IFT74: variants seen among roughly 807,000 people sequenced by gnomAD.
IFT74 encodes the protein intraflagellar transport 74.
IFT74 carries 92 observed loss-of-function variants against 96.7 expected under a neutral mutation model. The observed-to-expected ratio is 0.95, with a 90% CI of 0.80 to 1.13. The LOEUF (loss-of-function observed/expected upper bound fraction) is 1.13. Ranked by LOEUF, IFT74 falls within the 50% of genes most tolerant of loss-of-function variation. IFT74 has a pLI of 0.00. For missense variants in IFT74, 811 were observed against 698.2 expected (o/e 1.16, Z -1.82); for synonymous variants, 223 against 213.2 (o/e 1.05, Z -0.40).
chr9:27,011,018 A>G (rs922236901), intron 9 of IFT74, among the ~76,000 whole-genome samples: 9 of 152,184 alleles, frequency 5.9e-5, no homozygotes, highest in African/African-American at 2.2e-4. Context: ...ATTTTAGAGA[A>G]GATTTCTAAG....
At chr9:26,971,358 A>ATAC (rs1241729468) in intron 2 of IFT74, among the ~76,000 whole-genome samples, 1 of 152,016 alleles carries the variant, frequency 6.6e-6, no homozygotes, top group Non-Finnish European at 1.5e-5. Flanking sequence ...GTAAATTCTG[A>ATAC]TACACCCATA....
chr9:26,981,131 C>CG (rs1827359087), intron 4 of IFT74, among the ~76,000 whole-genome samples: 1 of 152,128 alleles, frequency 6.6e-6, no homozygotes, highest in Non-Finnish European at 1.5e-5. Context: ...AGGGCAGAGT[C>CG]GTCATGTCCT....
At chr9:27,060,793 C>G in intron 19 of IFT74, 142 bp downstream of exon 19, 1 of 483,882 alleles carries the variant, frequency 2.1e-6, no homozygotes, top group Non-Finnish European at 3.7e-6. Context: ...CCCATCTCTA[C>G]TAAAAAATAC....
At chr9:26,974,731 G>A (rs550536349) in intron 2 of IFT74, among the ~76,000 whole-genome samples, 50 of 152,238 alleles carry the variant, frequency 3.3e-4, no homozygotes, top group Non-Finnish European at 5.3e-4. Flanking sequence ...GAGGATGCCT[G>A]GGATGGATAT....
intron 2 of IFT74, among the ~76,000 whole-genome samples, chr9:26,971,693 G>T (rs2131507968): frequency 6.6e-6 from 1 of 152,200 alleles, no homozygotes; most frequent in South Asian, 2.1e-4. Context: ...GATGCCCTGG[G>T]ACATGTACAA....
rs60936250 is a variant in IFT74 at position 26,959,089 on chromosome 9, TTTGTTG to T, written c.-20+2603_-20+2608del. Among the ~76,000 whole-genome samples the T allele has an allele frequency of 4.4e-3, 666 of 150,628 alleles. 12 individuals carry two copies. In the East Asian group the frequency reaches 0.067, roughly 15 times the overall value. ...AAAATAGTGGATATAAGCTATTCTT[TTTGTTG>T]TTGTTGTTGTTGTTGTTGTTGTTGT... On this transcript the variant is annotated intron_variant, in intron 1 of 19. Transcript: ENST00000380062.
At chr9:27,034,849 C>T (rs1207429521) in intron 13 of IFT74, among the ~76,000 whole-genome samples, 4 of 152,176 alleles carry the variant, frequency 2.6e-5, no homozygotes, top group Non-Finnish European at 4.4e-5. Flanking sequence ...TTATTTTAAG[C>T]ACATGTCCTG....
At position 26,985,152 on chromosome 9, in the gene IFT74, A is replaced by G. The variant is rs1827581308; in HGVS notation, c.465+593A>G. Among the ~76,000 whole-genome samples the G allele has an allele frequency of 2.0e-5, 3 of 152,340 alleles. No homozygotes were observed. The South Asian group carries it at 6.2e-4, about 32-fold the overall frequency. ...AAAAGAAAAAGATCATGTCCCTTGC[A>G]GGAACATGGATGGAGCTGGAGGTCA... On this transcript the variant is annotated intron_variant, in intron 6 of 19. Coordinates refer to ENST00000380062, the MANE Select transcript of IFT74 (RefSeq NM_025103.4).
chr9:26,982,819 T>TG (rs1007178748), intron 4 of IFT74, among the ~76,000 whole-genome samples: 1 of 152,090 alleles, frequency 6.6e-6, no homozygotes, highest in African/African-American at 2.4e-5. Context: ...CTTGAACTCC[T>TG]GACCTCAGGT....
chr9:27,026,417 C>T (rs4424351), intron 12 of IFT74, among the ~76,000 whole-genome samples: 3,419 of 152,180 alleles, frequency 0.022, 133 homozygotes, highest in African/African-American at 0.077. Flanking sequence ...CAGCACTAGA[C>T]GGGTCAGAAA....
intron 2 of IFT74, 37 bp downstream of exon 2, chr9:26,962,124 A>C: frequency 6.2e-7 from 1 of 1,610,230 alleles, no homozygotes; most frequent in South Asian, 1.1e-5. Context: ...TTGGGAGGCC[A>C]AGGTGGGAGG....
At chr9:27,006,400 C>A (rs1327849718) in intron 8 of IFT74, among the ~76,000 whole-genome samples, 3 of 152,052 alleles carry the variant, frequency 2.0e-5, no homozygotes, top group Non-Finnish European at 4.4e-5. Context: ...GAATTTGAGA[C>A]CAGCCCGGCC....
intron 16 of IFT74, among the ~76,000 whole-genome samples, chr9:27,050,998 C>T (rs1010648020): frequency 5.3e-5 from 8 of 152,086 alleles, no homozygotes; most frequent in East Asian, 1.9e-4. Flanking sequence ...CCTGAACTGA[C>T]GTGAGGCTAT....
chr9:27,039,665 G>T (rs959328477), intron 13 of IFT74, among the ~76,000 whole-genome samples: 1 of 152,264 alleles, frequency 6.6e-6, no homozygotes, highest in East Asian at 1.9e-4. Context: ...ACAACACAGT[G>T]TAACAACCAT....
At chr9:26,983,443 C>T (rs564236478) in intron 4 of IFT74, among the ~76,000 whole-genome samples, 1 of 152,298 alleles carries the variant, frequency 6.6e-6, no homozygotes, top group East Asian at 1.9e-4. Flanking sequence ...AATTTCTATA[C>T]ATGTTTCTGG....
chr9:26,957,817 G>A (rs1826181242), intron 1 of IFT74, among the ~76,000 whole-genome samples: 1 of 151,146 alleles, frequency 6.6e-6, no homozygotes, highest in South Asian at 2.1e-4. Flanking sequence ...TTTTTGAGAC[G>A]GAGTCTTGCT....
At position 27,029,104 on chromosome 9, in the gene IFT74, G is replaced by C; in HGVS notation, c.1054G>C (p.Gly352Arg). 1 of 1,592,434 alleles carries C rather than the reference G, an allele frequency of 6.3e-7. No homozygotes were observed. ...TGACATGGATTTAGAGGAACACCAAGGTATGCTTCTGGTATTTTTATAATG... is the reference window on the plus strand; with the variant it reads ...TGACATGGATTTAGAGGAACACCAACGTATGCTTCTGGTATTTTTATAATG... ...QLDMDLEEHQ[G>R]EMNQKYKELK... Residue 352 changes from glycine (G) to arginine (R), a missense_variant and splice_region_variant, in exon 13 of 20, where the codon GGT (glycine) becomes CGT (arginine). By Grantham distance (125) the Gly-to-Arg change is moderately radical. Coordinates refer to ENST00000380062, the MANE Select transcript of IFT74 (RefSeq NM_025103.4).
intron 2 of IFT74, among the ~76,000 whole-genome samples, chr9:26,965,331 C>G (rs539281642): frequency 1.3e-5 from 2 of 152,132 alleles, no homozygotes; most frequent in African/African-American, 2.4e-5. Flanking sequence ...TAAGTGCAAA[C>G]TACAGATAAT....
intron 18 of IFT74, 22 bp downstream of exon 18, chr9:27,056,481 T>G: frequency 6.3e-7 from 1 of 1,577,358 alleles, no homozygotes; most frequent in South Asian, 1.2e-5. Context: ...TTTAAATGAC[T>G]TTGAAATTGT....
Sources: gnomAD v4.1 joint callset for allele counts (sites outside exome capture counted in the v4.1 genomes callset) on GRCh38, gnomAD v4.1.1 for gene constraint, MANE v1.5 for transcripts, NCBI Gene and HGNC (gene_info 2026-07-23, HGNC 2026-07-21) for gene names.